The following JMY variants were observed in gnomAD, a reference collection of about 807,000 sequenced individuals.
JMY encodes junction-mediating and -regulatory protein.
A neutral mutation model predicts 103.3 loss-of-function variants in JMY; 46 were observed. That is an observed-to-expected ratio of 0.45 (90% confidence interval 0.35 to 0.57). JMY has a LOEUF of 0.57. Among genes scored for constraint, JMY ranks in the 20% least tolerant of loss-of-function variants. JMY has a pLI of 0.00. For missense variants in JMY, 1,238 were observed against 1,255.2 expected, an observed-to-expected ratio of 0.99 and a Z score of 0.21; for synonymous variants, 526 against 489.3, an observed-to-expected ratio of 1.07 and a Z score of -0.99.
chr5:79,320,552 C>T (rs1161645629), intron 10 of JMY, among the ~76,000 whole-genome samples: 4 of 152,030 alleles, frequency 2.6e-5, no homozygotes, highest in Non-Finnish European at 5.9e-5. Flanking sequence ...CTCAACTGAT[C>T]CACCCTCCTC....
At chr5:79,260,909 C>T (rs1160018207) in intron 1 of JMY, among the ~76,000 whole-genome samples, 1 of 152,118 alleles carries the variant, frequency 6.6e-6, no homozygotes, top group Non-Finnish European at 1.5e-5. Flanking sequence ...AGGCAGTTCC[C>T]AGGGCCACAG....
chr5:79,284,063 T>C, intron 2 of JMY: 1 of 1,034,218 alleles, frequency 9.7e-7, no homozygotes, highest in Non-Finnish European at 1.4e-6. Flanking sequence ...TTTTTTTTAT[T>C]TTTTTATTTT....
intron 1 of JMY, among the ~76,000 whole-genome samples, chr5:79,245,040 A>C (rs1163683617): frequency 6.6e-6 from 1 of 152,116 alleles, no homozygotes; most frequent in African/African-American, 2.4e-5. Flanking sequence ...TTGTCCTTGA[A>C]TTTTAAATTA....
chr5:79,319,355 T>C (rs1457314275), intron 10 of JMY, among the ~76,000 whole-genome samples: 3 of 152,144 alleles, frequency 2.0e-5, no homozygotes, highest in Non-Finnish European at 4.4e-5. Flanking sequence ...AGAAAATATA[T>C]GAGCTTGGAA....
At chr5:79,266,546 G>T (rs151054903) in intron 1 of JMY, among the ~76,000 whole-genome samples, 6 of 152,220 alleles carry the variant, frequency 3.9e-5, no homozygotes, top group African/African-American at 1.4e-4. Context: ...TCAGGTAATT[G>T]CAATATCCAT....
Position 79,236,617 on chromosome 5 carries a change from C to T in JMY, c.-34C>T. The T allele has an allele frequency of 2.2e-6, 3 of 1,350,130 alleles. No individual in the cohort carries two copies. The highest frequency in any genetic ancestry group is 2.8e-5 in the Admixed American group (1 of 35,520). The allele number at this position is 1,350,130 out of a possible 1,614,324, so 83.6% of individuals were successfully genotyped here. A position where few individuals can be genotyped will look rare whatever the true frequency, so the allele number is the denominator to read the frequency against. ...GGAGTCCTCGGGCGGGCCGGGCCGG[C>T]GGCCCTTCCCCGCGGCGAGAAGCCG... is the stretch of plus-strand genomic sequence containing the variant. On this transcript the variant is annotated 5_prime_UTR_variant, in exon 1 of 11. Coordinates refer to ENST00000396137, the MANE Select transcript of JMY (RefSeq NM_152405.5).
intron 1 of JMY, among the ~76,000 whole-genome samples, chr5:79,257,825 C>T (rs1469048529): frequency 1.3e-5 from 2 of 151,954 alleles, no homozygotes; most frequent in African/African-American, 4.8e-5. Flanking sequence ...TGCAGTGGTG[C>T]AGTCTCGACT....
chr5:79,306,464 A>T lies in JMY; in HGVS notation c.1968+3A>T. 1 of 1,598,256 alleles carries T rather than the reference A, an allele frequency of 6.3e-7. No homozygotes were observed. Among genetic ancestry groups the T allele is most frequent in the Non-Finnish European group, 8.6e-7 (1 of 1,167,874 alleles). ...GAACCCATCACACAGTACAACTAGT[A>T]AGTTTGGATTCGAAGATTTTGAACA... On this transcript the variant is annotated splice_donor_region_variant and intron_variant, in intron 7 of 10. Coordinates refer to ENST00000396137, the MANE Select transcript of JMY (RefSeq NM_152405.5).
chr5:79,249,352 A>C (rs1419302475), intron 1 of JMY, among the ~76,000 whole-genome samples: 1 of 152,200 alleles, frequency 6.6e-6, no homozygotes, highest in African/African-American at 2.4e-5. Flanking sequence ...AGCAGTATTT[A>C]CACTTGAAAA....
intron 1 of JMY, among the ~76,000 whole-genome samples, chr5:79,257,374 G>A (rs1274833432): frequency 6.6e-6 from 1 of 152,178 alleles, no homozygotes; most frequent in Non-Finnish European, 1.5e-5. Context: ...AGGCTGAGGT[G>A]AGCGGATTGC....
At chr5:79,245,441 A>C (rs1744859156) in intron 1 of JMY, among the ~76,000 whole-genome samples, 1 of 152,040 alleles carries the variant, frequency 6.6e-6, no homozygotes, top group South Asian at 2.1e-4. Flanking sequence ...AATTAAATGG[A>C]TATGGCTCGG....
At chr5:79,308,486 G>A (rs1746953987) in intron 7 of JMY, among the ~76,000 whole-genome samples, 1 of 152,086 alleles carries the variant, frequency 6.6e-6, no homozygotes, top group Non-Finnish European at 1.5e-5. Context: ...CCATTGAATT[G>A]TCTTGTTCCT....
chr5:79,284,692 T>C, intron 2 of JMY: 1 of 1,592,136 alleles, frequency 6.3e-7, no homozygotes, highest in East Asian at 2.2e-5. Flanking sequence ...AACTTCATCA[T>C]TCTGCAAATC....
At chr5:79,304,049 T>C (rs1746814601) in intron 6 of JMY, among the ~76,000 whole-genome samples, 1 of 152,174 alleles carries the variant, frequency 6.6e-6, no homozygotes, top group Non-Finnish European at 1.5e-5. Flanking sequence ...TCTTCCCTTG[T>C]TGATAAGTGT....
At chr5:79,241,478 T>C (rs1393174012) in intron 1 of JMY, among the ~76,000 whole-genome samples, 1 of 152,200 alleles carries the variant, frequency 6.6e-6, no homozygotes, top group Non-Finnish European at 1.5e-5. Flanking sequence ...GAAATTTTCT[T>C]TTAGTACTTC....
Position 79,324,907 on chromosome 5 carries a change from A to G in JMY, c.*3305A>G, listed in dbSNP as rs1216758695. 4 of 152,654 alleles carry G rather than the reference A, an allele frequency of 2.6e-5. No individual in the cohort carries two copies. The highest frequency in any genetic ancestry group is 5.9e-5 in the Non-Finnish European group (4 of 68,034). The allele number at this position is 152,654 out of a possible 1,614,324, so 9.5% of individuals were successfully genotyped here. The stretch of plus-strand genomic sequence containing the variant: ...TTTGACTTACTCTATGTAATAAGGA[A>G]AAAAATTGTTTCCACAAAGTTGAAC... On this transcript the variant is annotated 3_prime_UTR_variant, in exon 11 of 11. Transcript: ENST00000396137.
At chr5:79,298,746 G>C (rs1400274875) in intron 4 of JMY, among the ~76,000 whole-genome samples, 1 of 152,206 alleles carries the variant, frequency 6.6e-6, no homozygotes. Flanking sequence ...TGCACGTTTA[G>C]ACTGGAGCCT....
At chr5:79,286,158 G>C (rs145314313) in intron 2 of JMY, among the ~76,000 whole-genome samples, 1 of 152,188 alleles carries the variant, frequency 6.6e-6, no homozygotes, top group East Asian at 1.9e-4. Context: ...TTACGAGTTG[G>C]CTGCAACATT....
At chr5:79,278,585 CAAAAAAAAAAAAAAA>C (rs34278536) in intron 2 of JMY, among the ~76,000 whole-genome samples, 3 of 57,282 alleles carry the variant, frequency 5.2e-5, no homozygotes, top group East Asian at 7.7e-4. Context: ...CCCGTCTCTA[CAAAAAAAAAAAAAAA>C]AAAAAAAAAA....
Sources: allele counts gnomAD v4.1 joint callset (sites outside exome capture counted in the v4.1 genomes callset), GRCh38; gene constraint gnomAD v4.1.1; transcripts MANE v1.5; gene names NCBI Gene and HGNC (gene_info 2026-07-23, HGNC 2026-07-21).